The following SCHIP1 variants were observed in gnomAD, a reference collection of about 807,000 sequenced individuals.
The protein encoded by SCHIP1 is schwannomin-interacting protein 1.
SCHIP1 carries 8 observed loss-of-function variants against 29.7 expected under a neutral mutation model. That is an observed-to-expected ratio of 0.27 (90% CI 0.16 to 0.49). SCHIP1 has a LOEUF of 0.49. SCHIP1 is among the 20% of genes least tolerant of loss of function. The probability of loss-of-function intolerance (pLI) is 0.99; values close to 1 mark genes in which losing one functional copy is unlikely to be tolerated. For missense variants in SCHIP1, 193 were observed against 294.6 expected (o/e 0.66, Z 2.52); for synonymous variants, 76 against 94.9 (o/e 0.80, Z 1.16).
At chr3:159,785,704 C>A in the SCHIP1 span, among the ~76,000 whole-genome samples, 15 of 151,814 alleles carry the variant, frequency 9.9e-5, no homozygotes, top group African/African-American at 3.6e-4. Context: ...TAAAAAGCCA[C>A]CCAACTGTCA....
the SCHIP1 span, among the ~76,000 whole-genome samples, chr3:159,657,650 CAGGCGTAAG>C: frequency 6.6e-6 from 1 of 152,224 alleles, no homozygotes; most frequent in African/African-American, 2.4e-5. Flanking sequence ...CTGAACCTTC[CAGGCGTAAG>C]TTTAACAGTG....
the SCHIP1 span, chr3:159,721,911 G>T: frequency 2.3e-6 from 1 of 432,332 alleles, no homozygotes; most frequent in South Asian, 1.8e-5. Flanking sequence ...CTTCTTTGCT[G>T]AGGAAACACA....
chr3:159,598,869 A>T, the SCHIP1 span, among the ~76,000 whole-genome samples: 1 of 152,154 alleles, frequency 6.6e-6, no homozygotes, highest in South Asian at 2.1e-4. Context: ...ATGAATCTGG[A>T]TGCTCCAGTG....
At chr3:159,662,350 C>G in the SCHIP1 span, among the ~76,000 whole-genome samples, 21 of 152,180 alleles carry the variant, frequency 1.4e-4, no homozygotes, top group South Asian at 4.3e-3. Context: ...GTAAAATTGC[C>G]TTGCTGAGAA....
chr3:159,488,124 T>C, the SCHIP1 span, among the ~76,000 whole-genome samples: 1 of 151,858 alleles, frequency 6.6e-6, no homozygotes, highest in Non-Finnish European at 1.5e-5. Context: ...CTCACTCACA[T>C]GTGGGAGCAA....
the SCHIP1 span, among the ~76,000 whole-genome samples, chr3:159,661,746 C>T: frequency 4.4e-3 from 677 of 152,208 alleles, 8 homozygotes; most frequent in Admixed American, 0.025. Flanking sequence ...TCCCTGAATC[C>T]TGGTGCAAGC....
the SCHIP1 span, among the ~76,000 whole-genome samples, chr3:159,779,671 CA>C: frequency 1.2e-4 from 18 of 146,580 alleles, no homozygotes; most frequent in South Asian, 2.2e-4. Flanking sequence ...GACTCCATCT[CA>C]AAAAAAAAAG....
At chr3:159,471,372 G>A in the SCHIP1 span, among the ~76,000 whole-genome samples, 1 of 152,016 alleles carries the variant, frequency 6.6e-6, no homozygotes, top group Admixed American at 6.6e-5. Context: ...GGAAGAGAAA[G>A]ATTCTTCAGT....
At chr3:159,416,697 T>G in the SCHIP1 span, among the ~76,000 whole-genome samples, 22 of 152,232 alleles carry the variant, frequency 1.4e-4, no homozygotes, top group Admixed American at 4.6e-4. Context: ...ATTTAAAATC[T>G]GGATTTAGTA....
chr3:159,828,346 G>C, the SCHIP1 span, among the ~76,000 whole-genome samples: 1 of 140,782 alleles, frequency 7.1e-6, no homozygotes, highest in Non-Finnish European at 1.5e-5. Flanking sequence ...GGATGAATTA[G>C]CATTAGTGTA....
At chr3:159,681,674 G>A in the SCHIP1 span, among the ~76,000 whole-genome samples, 22 of 152,212 alleles carry the variant, frequency 1.4e-4, no homozygotes, top group Admixed American at 5.2e-4. Context: ...GTTCAGGAGA[G>A]GTTTCCCTTT....
At chr3:159,477,153 A>C in the SCHIP1 span, among the ~76,000 whole-genome samples, 13 of 152,308 alleles carry the variant, frequency 8.5e-5, no homozygotes, top group South Asian at 1.7e-3. Flanking sequence ...ATAGTGTTCC[A>C]TAGTGTATAT....
chr3:159,290,312 G>A, the SCHIP1 span, among the ~76,000 whole-genome samples: 3 of 152,168 alleles, frequency 2.0e-5, no homozygotes, highest in Non-Finnish European at 2.9e-5. Context: ...CAGGAAGGGG[G>A]TGGTAAATAA....
the SCHIP1 span, among the ~76,000 whole-genome samples, chr3:159,403,264 TCTCC>T: frequency 1.3e-5 from 2 of 152,020 alleles, no homozygotes; most frequent in African/African-American, 2.4e-5. Flanking sequence ...GATTTTTAAC[TCTCC>T]CCACAGAAAC....
chr3:159,572,292 C>A, the SCHIP1 span, among the ~76,000 whole-genome samples: 1 of 152,064 alleles, frequency 6.6e-6, no homozygotes, highest in Non-Finnish European at 1.5e-5. Flanking sequence ...ACTGCTTTAG[C>A]TGTGTCCCAG....
chr3:159,892,394 C>G, intron 6 of SCHIP1: 1 of 622,948 alleles, frequency 1.6e-6, no homozygotes, highest in Non-Finnish European at 2.8e-6. Context: ...CAACCATCCC[C>G]CCCTTGTGAT....
the SCHIP1 span, among the ~76,000 whole-genome samples, chr3:159,593,428 T>C: frequency 6.6e-6 from 1 of 152,090 alleles, no homozygotes; most frequent in African/African-American, 2.4e-5. Flanking sequence ...CAACCCAGAA[T>C]ATCACAGTCC....
At chr3:159,297,752 CT>C in the SCHIP1 span, among the ~76,000 whole-genome samples, 1 of 152,150 alleles carries the variant, frequency 6.6e-6, no homozygotes, top group Non-Finnish European at 1.5e-5. Context: ...TAGGGTCACC[CT>C]GAGGTCTTTC....
chr3:159,506,079 C>T, the SCHIP1 span, among the ~76,000 whole-genome samples: 85 of 152,190 alleles, frequency 5.6e-4, no homozygotes, highest in Non-Finnish European at 1.1e-3. Context: ...AGTGTACAAT[C>T]CCACCAACAG....
Sources: allele counts gnomAD v4.1 joint callset (sites outside exome capture counted in the v4.1 genomes callset), GRCh38; gene constraint gnomAD v4.1.1; transcripts MANE v1.5; gene names NCBI Gene and HGNC (gene_info 2026-07-23, HGNC 2026-07-21).